Variants in DNAH17 observed in about 807,000 individuals in gnomAD.
DNAH17 encodes the protein dynein axonemal heavy chain 17, also known as axonemal beta dynein heavy chain 17.
In DNAH17, 376 loss-of-function variants were observed where a neutral mutation model predicts 485.6. The ratio of observed to expected loss-of-function variants is 0.77; its 90% CI spans 0.71 to 0.84. The LOEUF is 0.84. Among genes scored for constraint, DNAH17 ranks in the 40% least tolerant of loss-of-function variants. DNAH17 has a pLI of 0.00. For synonymous variants in DNAH17, 3,031 were observed against 2,405.9 expected, an observed-to-expected ratio of 1.26 and a Z score of -7.60; for missense variants, 6,370 against 5,839.3, an observed-to-expected ratio of 1.09 and a Z score of -2.96.
chr17:78,558,484 T>C (rs530920229), intron 13 of DNAH17, among the ~76,000 whole-genome samples: 1 of 147,766 alleles, frequency 6.8e-6, no homozygotes, highest in African/African-American at 2.6e-5. Context: ...ATCACCCTCA[T>C]GGGTGGATGA....
At chr17:78,448,232 G>A (rs1356803495) in intron 69 of DNAH17, among the ~76,000 whole-genome samples, 1 of 151,872 alleles carries the variant, frequency 6.6e-6, no homozygotes, top group Non-Finnish European at 1.5e-5. Context: ...AGGCACAGCA[G>A]TGTACACTTG....
At chr17:78,497,277 GA>G (rs2146698644) in intron 37 of DNAH17, among the ~76,000 whole-genome samples, 1 of 152,240 alleles carries the variant, frequency 6.6e-6, no homozygotes, top group South Asian at 2.1e-4. Context: ...GTCACCACTT[GA>G]GGGGGCCCAA....
chr17:78,502,754 A>G, intron 32 of DNAH17, 56 bp from the exon 33 acceptor site: 2 of 1,598,366 alleles, frequency 1.3e-6, no homozygotes, highest in East Asian at 2.2e-5. Context: ...GCGCCTGCTA[A>G]CGCAGACATT....
In DNAH17 at chr17:78,571,671, C is replaced by T; in HGVS notation, c.651G>A (p.Leu217=). 6.2e-7 allele frequency: 1 copy of T among 1,614,036 alleles called. No individual in the cohort carries two copies. The change falls in exon 4 of 81, where the codon CTG becomes CTA. Residue 217 remains leucine (L), a synonymous_variant. Transcript: ENST00000389840. The part of the protein sequence containing the change: ...VLSKDSAQAL[L]DGLHPLPQVE... ...CTTGGGGCAGGGGGTGCAGCCCATC[C>T]AGCAGCGCCTGGGCTGAGTCTTTGC...
At position 78,506,726 on chromosome 17, in the gene DNAH17, G is replaced by GGGGT. The variant is rs1568172417; in HGVS notation, c.4793_4796dup (p.Val1600ProfsTer14). 6.2e-7 allele frequency: 1 copy of GGGGT among 1,613,938 alleles called. No individual in the cohort carries two copies. Among genetic ancestry groups the GGGGT allele is most frequent in the East Asian group, 2.2e-5 (1 of 44,882 alleles). On this transcript the variant is annotated frameshift_variant, in exon 30 of 81. Coordinates refer to ENST00000389840, the MANE Select transcript of DNAH17 (RefSeq NM_173628.4). LOFTEE classifies it high-confidence loss of function. ...TGCAAGGGGCCCCGCCTACCTCCAC[G>GGGGT]GGGTCATTGCCATTGGAGAGAATGT...
At chr17:78,467,491 C>T (rs977657162) in intron 55 of DNAH17, among the ~76,000 whole-genome samples, 1 of 152,192 alleles carries the variant, frequency 6.6e-6, no homozygotes, top group African/African-American at 2.4e-5. Context: ...GCAGGCAGCA[C>T]CTATCAGGGG....
At chr17:78,507,115 C>T (rs1380148829) in intron 29 of DNAH17, among the ~76,000 whole-genome samples, 163 bp downstream of exon 29, 3 of 152,122 alleles carry the variant, frequency 2.0e-5, no homozygotes, top group East Asian at 1.9e-4. Flanking sequence ...GGGATGAGGC[C>T]GGGGAGTGTG....
chr17:78,529,806 T>C, intron 21 of DNAH17, 112 bp from the exon 22 acceptor site: 1 of 1,112,178 alleles, frequency 9.0e-7, no homozygotes, highest in East Asian at 2.6e-5. Context: ...TGGCCATCAC[T>C]GAAGGCCCCA....
intron 71 of DNAH17, 98 bp from the exon 72 acceptor site, chr17:78,441,297 T>C (rs556680382): frequency 1.6e-5 from 22 of 1,388,308 alleles, no homozygotes; most frequent in African/African-American, 1.6e-4. Flanking sequence ...GGCCATTTTT[T>C]GGTGGACTTT....
chr17:78,502,709 A>G lies in DNAH17; in HGVS notation c.5083-11T>C. On this transcript the variant is annotated splice_polypyrimidine_tract_variant and intron_variant, in intron 32 of 80. Transcript: ENST00000389840. ...GCAAGTCAGGGCCACCTGAAAGTAC[A>G]TACCCCCCATTGCCCACGCAGTGAG... The G allele has an allele frequency of 3.1e-6, 5 of 1,609,988 alleles. No homozygotes were observed. Among genetic ancestry groups the G allele is most frequent in the South Asian group, 1.1e-5 (1 of 90,882 alleles).
At chr17:78,527,805 G>C (rs552937857) in intron 22 of DNAH17, among the ~76,000 whole-genome samples, 196 of 152,250 alleles carry the variant, frequency 1.3e-3, no homozygotes, top group African/African-American at 4.4e-3. Context: ...TTGAGACAGA[G>C]TCTCACTCTA....
rs997255893 is a variant in DNAH17, at chr17:78,534,187, G to A, written c.2860-1451C>T. On this transcript the variant is annotated intron_variant, in intron 19 of 80. Transcript: ENST00000389840. ...TTTCCCCTGCCCTAAATCACCCAGG[G>A]TCAGGTACCAGACAACTGAAGACAG... Among the ~76,000 whole-genome samples, 7 of 152,304 alleles carry A rather than the reference G, an allele frequency of 4.6e-5. No individual in the cohort carries two copies. In the East Asian group the frequency reaches 1.2e-3, roughly 25 times the overall value.
chr17:78,480,651 C>T, intron 49 of DNAH17, 33 bp downstream of exon 49: 4 of 1,571,892 alleles, frequency 2.5e-6, no homozygotes, highest in East Asian at 2.3e-5. Flanking sequence ...AGACTCATGG[C>T]AGGTGACGGG....
intron 62 of DNAH17, 100 bp downstream of exon 62, chr17:78,458,465 C>A: frequency 2.0e-6 from 2 of 1,008,684 alleles, no homozygotes; most frequent in Non-Finnish European, 3.1e-6. Context: ...CTGGCTGCTT[C>A]CACCTGGGCT....
Position 78,463,129 on chromosome 17 carries a change from C to A in DNAH17, c.8941-52G>T. 3 of 1,551,060 alleles carry A rather than the reference C, an allele frequency of 1.9e-6. No individual in the cohort carries two copies. The Admixed American group carries it at 5.3e-5, about 27-fold the overall frequency. ...CCTGGGACCCCATCCTGCAAATCAGCAAAGTGGGGCTCCCCAGACTCACCA... is the reference window on the plus strand; with the variant it reads ...CCTGGGACCCCATCCTGCAAATCAGAAAAGTGGGGCTCCCCAGACTCACCA... On this transcript the variant is annotated intron_variant, in intron 56 of 80. Coordinates refer to ENST00000389840, the MANE Select transcript of DNAH17 (RefSeq NM_173628.4).
At chr17:78,528,528 G>A (rs917698795) in intron 22 of DNAH17, among the ~76,000 whole-genome samples, 2 of 152,140 alleles carry the variant, frequency 1.3e-5, no homozygotes, top group Admixed American at 6.5e-5. Flanking sequence ...GTCTGGAGTC[G>A]GTGCATAAGA....
intron 19 of DNAH17, among the ~76,000 whole-genome samples, chr17:78,534,799 C>T (rs752242332): frequency 2.6e-5 from 4 of 152,170 alleles, no homozygotes; most frequent in Non-Finnish European, 5.9e-5. Flanking sequence ...GGCAGCTCAG[C>T]TCTCTAAATC....
rs1032479647 is a variant in DNAH17, at chr17:78,558,317, G to A, written c.2032-63C>T. The A allele has an allele frequency of 7.0e-6, 11 of 1,568,908 alleles. No individual in the cohort carries two copies. The East Asian group carries it at 1.8e-4, about 26-fold the overall frequency. ...GTCAGGTCAACAGTGCAGTGTTCAA[G>A]CAACAGAAATGAGCATCTGCCCTGG... On this transcript the variant is annotated intron_variant, in intron 13 of 80. Coordinates refer to ENST00000389840, the MANE Select transcript of DNAH17 (RefSeq NM_173628.4).
Position 78,550,704 on chromosome 17 carries a change from G to A in DNAH17, c.2391+831C>T, listed in dbSNP as rs560244401. 2.5e-3 allele frequency among the ~76,000 whole-genome samples: 373 copies of A among 152,232 alleles called. 2 individuals carry two copies. Among genetic ancestry groups the A allele is most frequent in the Admixed American group, 4.1e-3 (63 of 15,294 alleles). ...AAGAGAAACGTCTGTTGTTGAAGTCGCCCAGACTGTGGCAGTTTGTGATGG... is the reference window on the plus strand; with the variant it reads ...AAGAGAAACGTCTGTTGTTGAAGTCACCCAGACTGTGGCAGTTTGTGATGG... On this transcript the variant is annotated intron_variant, in intron 16 of 80. Transcript: ENST00000389840.
Sources: gnomAD v4.1 joint callset for allele counts (sites outside exome capture counted in the v4.1 genomes callset) on GRCh38, gnomAD v4.1.1 for gene constraint, MANE v1.5 for transcripts, NCBI Gene and HGNC (gene_info 2026-07-23, HGNC 2026-07-21) for gene names.